Variants in CNTLN observed in about 807,000 individuals in gnomAD.
The protein encoded by CNTLN is centlein.
A neutral mutation model predicts 180.0 loss-of-function variants in CNTLN; 212 were observed. The ratio of observed to expected loss-of-function variants is 1.18; its 90% confidence interval spans 1.05 to 1.32. The LOEUF (loss-of-function observed/expected upper bound fraction) is 1.32, where lower values mean the gene tolerates loss of function less well. CNTLN is among the 40% of genes most tolerant of loss of function. The pLI, the probability that CNTLN is intolerant of heterozygous loss-of-function variation, is 0.00. For missense variants in CNTLN, 2,095 were observed against 1,610.9 expected (o/e 1.30, Z -5.14); for synonymous variants, 722 against 563.1 (o/e 1.28, Z -3.99).
At chr9:17,282,106 G>T (rs749061445) in intron 6 of CNTLN, among the ~76,000 whole-genome samples, 18 of 152,146 alleles carry the variant, frequency 1.2e-4, no homozygotes, top group Non-Finnish European at 2.2e-4. Flanking sequence ...GGGACTACAG[G>T]TGTGTGCCAC....
At chr9:17,341,636 T>A (rs1821486110) in intron 11 of CNTLN, among the ~76,000 whole-genome samples, 1 of 152,188 alleles carries the variant, frequency 6.6e-6, no homozygotes, top group Non-Finnish European at 1.5e-5. Flanking sequence ...TACACATTGG[T>A]CTGTTCTGTA....
chr9:17,499,439 G>A lies in CNTLN; in HGVS notation c.4120-3112G>A, dbSNP rs190269560. 8.2e-3 allele frequency among the ~76,000 whole-genome samples: 1,243 copies of A among 152,266 alleles called. 12 individuals are homozygous for A. The highest frequency in any genetic ancestry group is 0.029 in the African/African-American group (1,191 of 41,576). On this transcript the variant is annotated intron_variant, in intron 25 of 25. Transcript: ENST00000380647. The stretch of plus-strand genomic sequence containing the variant: ...TTGGTAATACATTCTAGACTAAGCA[G>A]AATTGTTTTGTGTACAATCTATGAA...
At chr9:17,459,957 C>G (rs1831357923) in intron 19 of CNTLN, among the ~76,000 whole-genome samples, 1 of 151,666 alleles carries the variant, frequency 6.6e-6, no homozygotes, top group African/African-American at 2.4e-5. Context: ...TAGCACATAA[C>G]AGATATCAAA....
intron 18 of CNTLN, among the ~76,000 whole-genome samples, chr9:17,435,634 C>T (rs1186157952): frequency 2.0e-5 from 3 of 151,338 alleles, no homozygotes; most frequent in African/African-American, 4.9e-5. Flanking sequence ...GATCTCGGCT[C>T]ACTGCAGCCT....
At chr9:17,527,172 C>T in the CNTLN span, among the ~76,000 whole-genome samples, 1 of 152,080 alleles carries the variant, frequency 6.6e-6, no homozygotes, top group South Asian at 2.1e-4. Flanking sequence ...TATGAGCCAC[C>T]GTGCCCGGCC....
intron 5 of CNTLN, among the ~76,000 whole-genome samples, chr9:17,262,490 T>C (rs969557255): frequency 2.6e-5 from 4 of 151,368 alleles, no homozygotes; most frequent in Non-Finnish European, 4.4e-5. Context: ...AAACCAGCAC[T>C]GCATGTTCTC....
At chr9:17,184,781 A>C (rs1185345932) in intron 2 of CNTLN, among the ~76,000 whole-genome samples, 2 of 152,198 alleles carry the variant, frequency 1.3e-5, no homozygotes, top group Non-Finnish European at 2.9e-5. Context: ...AACCCCTTTG[A>C]AATGAACACG....
chr9:17,517,053 C>G, the CNTLN span, among the ~76,000 whole-genome samples: 9 of 150,404 alleles, frequency 6.0e-5, no homozygotes, highest in East Asian at 1.5e-3. Context: ...AATCCTGTCC[C>G]CCAAAAGATA....
At position 17,298,335 on chromosome 9, in the gene CNTLN, A is replaced by T. The variant is rs747537265; in HGVS notation, c.1129A>T (p.Ser377Cys). 1 of 1,610,974 alleles carries T rather than the reference A, an allele frequency of 6.2e-7. No individual in the cohort carries two copies. Among genetic ancestry groups the T allele is most frequent in the Admixed American group, 1.7e-5 (1 of 59,242 alleles). The change falls in exon 7 of 26, where the codon AGT becomes TGT. Residue 377 changes from serine (S) to cysteine (C), a missense_variant. Physicochemically the swap from Ser to Cys is moderately radical, Grantham distance 112. Coordinates refer to ENST00000380647, the MANE Select transcript of CNTLN (RefSeq NM_017738.4). The part of the protein sequence containing the change: ...RNQEDVHTAE[S>C]ISYQKLYNEL... ...TCAGGAAGATGTTCACACAGCTGAA[A>T]GTATATCATATCAAAAAGTATGCTT...
intron 13 of CNTLN, among the ~76,000 whole-genome samples, chr9:17,371,462 A>G (rs1207736948): frequency 1.3e-5 from 2 of 152,174 alleles, no homozygotes; most frequent in Non-Finnish European, 1.5e-5. Flanking sequence ...GTACCCAGAT[A>G]TATAAAGCAA....
the CNTLN span, among the ~76,000 whole-genome samples, chr9:17,512,332 C>G: frequency 6.6e-6 from 1 of 152,140 alleles, no homozygotes; most frequent in African/African-American, 2.4e-5. Context: ...CTAAAGAATA[C>G]TTTTCATAAA....
chr9:17,454,007 A>G (rs1016619792), intron 18 of CNTLN, among the ~76,000 whole-genome samples: 1 of 152,150 alleles, frequency 6.6e-6, no homozygotes, highest in Non-Finnish European at 1.5e-5. Context: ...CTTTGCATAT[A>G]ACGTAATGTA....
intron 3 of CNTLN, among the ~76,000 whole-genome samples, chr9:17,235,100 C>G (rs148203494): frequency 6.6e-6 from 1 of 152,088 alleles, no homozygotes; most frequent in African/African-American, 2.4e-5. Flanking sequence ...GTACATCCAC[C>G]TCGTAGGTGT....
At chr9:17,520,230 C>G in the CNTLN span, among the ~76,000 whole-genome samples, 1 of 152,184 alleles carries the variant, frequency 6.6e-6, no homozygotes. Flanking sequence ...TAATAGCCAC[C>G]TATAGTTTTT....
intron 1 of CNTLN, 39 bp from the exon 2 acceptor site, chr9:17,143,249 A>G (rs1818226636): frequency 1.4e-6 from 2 of 1,436,100 alleles, no homozygotes; most frequent in African/African-American, 1.4e-5. Context: ...CACTACCACT[A>G]CAAAGCAATG....
At chr9:17,171,740 A>G (rs1820434106) in intron 2 of CNTLN, among the ~76,000 whole-genome samples, 1 of 151,964 alleles carries the variant, frequency 6.6e-6, no homozygotes, top group Admixed American at 6.6e-5. Flanking sequence ...AGGCACCCCC[A>G]CCGGTTTGGT....
intron 2 of CNTLN, among the ~76,000 whole-genome samples, chr9:17,199,061 A>G (rs1822331874): frequency 6.6e-6 from 1 of 152,128 alleles, no homozygotes; most frequent in Admixed American, 6.5e-5. Flanking sequence ...GGGATTGCTG[A>G]GTCAAATGGT....
At chr9:17,287,418 A>T (rs1457154281) in intron 6 of CNTLN, among the ~76,000 whole-genome samples, 2 of 151,128 alleles carry the variant, frequency 1.3e-5, no homozygotes, top group Non-Finnish European at 3.0e-5. Context: ...CCAGTATTTT[A>T]TTCAGGATTT....
intron 6 of CNTLN, among the ~76,000 whole-genome samples, chr9:17,277,969 C>G (rs896762443): frequency 1.3e-5 from 2 of 152,136 alleles, no homozygotes; most frequent in African/African-American, 4.8e-5. Flanking sequence ...TTATCAACAA[C>G]AGGAAACCAT....
Sources: gnomAD v4.1 joint callset for allele counts (sites outside exome capture counted in the v4.1 genomes callset) on GRCh38, gnomAD v4.1.1 for gene constraint, MANE v1.5 for transcripts, NCBI Gene and HGNC (gene_info 2026-07-23, HGNC 2026-07-21) for gene names.